Variants in ADAM28 observed in about 807,000 individuals in gnomAD.
ADAM28 encodes disintegrin and metalloproteinase domain-containing protein 28.
In ADAM28, 105 loss-of-function variants were observed where a neutral mutation model predicts 101.2. That is an observed-to-expected ratio of 1.04 (90% CI 0.89 to 1.22). The LOEUF is 1.22. Ranked by LOEUF, ADAM28 falls within the 50% of genes most tolerant of loss-of-function variation. The pLI, the probability that ADAM28 is intolerant of heterozygous loss-of-function variation, is 0.00. For missense variants in ADAM28, 1,028 were observed against 945.4 expected, an observed-to-expected ratio of 1.09 and a Z score of -1.15; for synonymous variants, 322 against 310.6, an observed-to-expected ratio of 1.04 and a Z score of -0.39.
In ADAM28 at chr8:24,358,245, A is replaced by T. The variant is rs1464399451; in HGVS notation, c.*3841A>T. On this transcript the variant is annotated 3_prime_UTR_variant, in exon 23 of 23. Coordinates refer to ENST00000265769, the MANE Select transcript of ADAM28 (RefSeq NM_014265.6). ...TCATTCAAAGACACCATTATTTCCT[A>T]AGTGTTATATTGCTATTTTTCAGTT... The T allele has an allele frequency of 6.6e-6, 1 of 152,152 alleles. No homozygotes were observed. The highest frequency in any genetic ancestry group is 1.5e-5 in the Non-Finnish European group (1 of 68,036). The allele number at this position is 152,152 out of a possible 1,614,324, so 9.4% of individuals were successfully genotyped here. A position where few individuals can be genotyped will look rare whatever the true frequency, so the allele number is the denominator to read the frequency against.
At chr8:24,321,069 A>G (rs1026339606) in intron 7 of ADAM28, 149 bp from the exon 8 acceptor site, 3 of 567,464 alleles carry the variant, frequency 5.3e-6, no homozygotes, top group Admixed American at 6.3e-5. Context: ...GATGAATAGG[A>G]ATTAATTTGA....
chr8:24,339,445 G>A, intron 14 of ADAM28, 21 bp from the exon 15 acceptor site: 1 of 1,578,648 alleles, frequency 6.3e-7, no homozygotes, highest in Non-Finnish European at 8.7e-7. Context: ...TCTTTTCCCT[G>A]CTGACTGATC....
chr8:24,329,911 G>A (rs1020071619), intron 10 of ADAM28, 74 bp from the exon 11 acceptor site: 11 of 1,492,874 alleles, frequency 7.4e-6, no homozygotes, highest in East Asian at 2.3e-5. Context: ...GAGAGAGAGA[G>A]AGAGATGGCA....
intron 18 of ADAM28, among the ~76,000 whole-genome samples, chr8:24,345,939 C>G (rs1007829839): frequency 2.0e-5 from 3 of 152,026 alleles, no homozygotes; most frequent in Non-Finnish European, 4.4e-5. Context: ...CAGAATTCAA[C>G]TTTATCCCCC....
At chr8:24,347,398 G>A (rs990590021) in intron 18 of ADAM28, among the ~76,000 whole-genome samples, 4 of 151,720 alleles carry the variant, frequency 2.6e-5, no homozygotes, top group African/African-American at 7.3e-5. Flanking sequence ...TATGCTAGTC[G>A]CATAAAGTGT....
At chr8:24,319,589 A>T (rs541322350) in intron 6 of ADAM28, among the ~76,000 whole-genome samples, 1 of 152,042 alleles carries the variant, frequency 6.6e-6, no homozygotes, top group Non-Finnish European at 1.5e-5. Flanking sequence ...GCACTTCCAG[A>T]AATGCAATCT....
rs1021445251 is a variant in ADAM28 at position 24,351,684 on chromosome 8, A to G, written c.2179-303A>G. Reference sequence around the variant, plus strand: ...ATGTCTGTATGATAATACATGTAATATTTATAACCCAAATGTCCTACTCAT... The same window carrying G: ...ATGTCTGTATGATAATACATGTAATGTTTATAACCCAAATGTCCTACTCAT... On this transcript the variant is annotated intron_variant, in intron 20 of 22. Coordinates refer to ENST00000265769, the MANE Select transcript of ADAM28 (RefSeq NM_014265.6). 1.1e-5 allele frequency: 5 copies of G among 459,552 alleles called. No homozygotes were observed. In the East Asian group the frequency reaches 2.1e-4, roughly 19 times the overall value. The allele number at this position is 459,552 out of a possible 1,614,324, so 28.5% of individuals were successfully genotyped here. A position where few individuals can be genotyped will look rare whatever the true frequency, so the allele number is the denominator to read the frequency against.
chr8:24,345,672 A>G (rs58529240), intron 18 of ADAM28, among the ~76,000 whole-genome samples: 6,403 of 151,886 alleles, frequency 0.042, 174 homozygotes, highest in East Asian at 0.094. Flanking sequence ...TTCTACTTCT[A>G]TGTGTTATTT....
chr8:24,309,291 C>A (rs1284896711), intron 2 of ADAM28, among the ~76,000 whole-genome samples: 1 of 152,120 alleles, frequency 6.6e-6, no homozygotes, highest in Non-Finnish European at 1.5e-5. Context: ...TTATGTTTCT[C>A]ATAGTTTATG....
At chr8:24,307,094 TTG>T (rs748488687) in intron 2 of ADAM28, among the ~76,000 whole-genome samples, 52 of 152,296 alleles carry the variant, frequency 3.4e-4, no homozygotes, top group Non-Finnish European at 6.5e-4. Flanking sequence ...GGAGTTATCT[TTG>T]TAGTTTCTGT....
intron 2 of ADAM28, among the ~76,000 whole-genome samples, chr8:24,300,641 C>T (rs1349488774): frequency 6.6e-6 from 1 of 152,118 alleles, no homozygotes; most frequent in Non-Finnish European, 1.5e-5. Context: ...TGTTTTCTAT[C>T]TCCTGACCTT....
intron 2 of ADAM28, among the ~76,000 whole-genome samples, chr8:24,302,878 T>C (rs1808994146): frequency 6.6e-6 from 1 of 151,322 alleles, no homozygotes; most frequent in Non-Finnish European, 1.5e-5. Flanking sequence ...CATTAACTCA[T>C]CATTTACATT....
intron 18 of ADAM28, among the ~76,000 whole-genome samples, chr8:24,347,532 G>A (rs1815550593): frequency 6.6e-6 from 1 of 151,846 alleles, no homozygotes; most frequent in Admixed American, 6.6e-5. Flanking sequence ...CAGATATTTT[G>A]TTTATCAAGT....
intron 14 of ADAM28, chr8:24,336,044 G>C (rs1814003777): frequency 1.0e-6 from 1 of 983,964 alleles, no homozygotes; most frequent in South Asian, 4.7e-5. Context: ...GTGCGGGTGT[G>C]TGTGTGTGTG....
chr8:24,305,522 T>C (rs1162152929), intron 2 of ADAM28, among the ~76,000 whole-genome samples: 2 of 144,394 alleles, frequency 1.4e-5, no homozygotes, highest in African/African-American at 5.1e-5. Flanking sequence ...CACCCTCACC[T>C]GCCAATCCTT....
At position 24,331,296 on chromosome 8, in the gene ADAM28, T is replaced by G; in HGVS notation, c.1250T>G (p.Met417Arg). Residue 417 changes from methionine to arginine, a missense_variant, in exon 12 of 23, where the codon ATG becomes AGG. Coordinates refer to ENST00000265769, the MANE Select transcript of ADAM28 (RefSeq NM_014265.6). ...ATTTGTGGGAACCAGTTGGTGGAAA[T>G]GGGAGAGGACTGTGATTGTGGGACA... ...TPICGNQLVE[M>R]GEDCDCGTSE... 1 of 1,612,056 alleles carries G rather than the reference T, an allele frequency of 6.2e-7. No homozygotes were observed.
At chr8:24,335,704 T>C (rs1813942982) in intron 14 of ADAM28, 63 bp downstream of exon 14, 1 of 1,467,008 alleles carries the variant, frequency 6.8e-7, no homozygotes, top group Non-Finnish European at 9.0e-7. Context: ...ATGACAGTGT[T>C]TAACCATGGT....
chr8:24,300,080 A>G lies in ADAM28; in HGVS notation c.150+3A>G, dbSNP rs1808508182. The G allele has an allele frequency of 1.2e-6, 2 of 1,610,556 alleles. No individual in the cohort carries two copies. Among genetic ancestry groups the G allele is most frequent in the South Asian group, 2.2e-5 (2 of 90,664 alleles). ...AGGCCAAAGAGCCAGAGCAACAGGT[A>G]CAGCTTTTGATTTATCAAAGGATCT... On this transcript the variant is annotated splice_donor_region_variant and intron_variant, in intron 2 of 22. Coordinates refer to ENST00000265769, the MANE Select transcript of ADAM28 (RefSeq NM_014265.6).
At chr8:24,343,257 G>C (rs1224165331) in intron 17 of ADAM28, 76 bp downstream of exon 17, 4 of 1,526,850 alleles carry the variant, frequency 2.6e-6, no homozygotes, top group Non-Finnish European at 2.7e-6. Context: ...AAAGCTAAAG[G>C]AATATTTTCA....
Sources: gnomAD v4.1 joint callset for allele counts (sites outside exome capture counted in the v4.1 genomes callset) on GRCh38, gnomAD v4.1.1 for gene constraint, MANE v1.5 for transcripts, NCBI Gene and HGNC (gene_info 2026-07-23, HGNC 2026-07-21) for gene names.